The following ST3GAL3 variants were observed in gnomAD, a reference collection of about 807,000 sequenced individuals.
The protein encoded by ST3GAL3 is ST3 beta-galactoside alpha-2,3-sialyltransferase 3.
A neutral mutation model predicts 50.1 loss-of-function variants in ST3GAL3; 21 were observed. That is an observed-to-expected ratio of 0.42 (90% CI 0.30 to 0.60). ST3GAL3 has a LOEUF of 0.60. Among genes scored for constraint, ST3GAL3 ranks in the 20% least tolerant of loss-of-function variants. The probability of loss-of-function intolerance (pLI) is 0.19; values close to 1 mark genes in which losing one functional copy is unlikely to be tolerated. For missense variants in ST3GAL3, 353 were observed against 489.4 expected (o/e 0.72, Z 2.63); for synonymous variants, 183 against 190.0 (o/e 0.96, Z 0.30).
At chr1:43,788,509 T>C (rs1028310685) in intron 2 of ST3GAL3, among the ~76,000 whole-genome samples, 5 of 152,172 alleles carry the variant, frequency 3.3e-5, no homozygotes, top group Admixed American at 6.5e-5. Flanking sequence ...TTTCCTAGGG[T>C]GAGGCCAGGT....
At chr1:43,846,710 G>A (rs1436142869) in intron 5 of ST3GAL3, among the ~76,000 whole-genome samples, 1 of 152,130 alleles carries the variant, frequency 6.6e-6, no homozygotes, top group Non-Finnish European at 1.5e-5. Context: ...TGTTGCCTAG[G>A]CTGGTCTCAA....
chr1:43,723,678 C>G (rs143572073), intron 1 of ST3GAL3, among the ~76,000 whole-genome samples: 1,758 of 152,160 alleles, frequency 0.012, 16 homozygotes, highest in Non-Finnish European at 0.018. Flanking sequence ...GTGGCATGAT[C>G]TCAGCTCACT....
chr1:43,898,186 T>G (rs1406680614), intron 6 of ST3GAL3, 49 bp from the exon 7 acceptor site: 1 of 1,594,410 alleles, frequency 6.3e-7, no homozygotes, highest in East Asian at 2.2e-5. Context: ...AAACATTTTA[T>G]AGAAAGGTAA....
intron 11 of ST3GAL3, among the ~76,000 whole-genome samples, chr1:43,925,817 G>T (rs1041556681): frequency 2.0e-5 from 3 of 152,224 alleles, no homozygotes; most frequent in African/African-American, 7.2e-5. Context: ...GGCCAAAGGA[G>T]CAGCATTCCA....
chr1:43,776,864 A>T (rs1242702619), intron 2 of ST3GAL3, among the ~76,000 whole-genome samples: 1 of 152,190 alleles, frequency 6.6e-6, no homozygotes, highest in South Asian at 2.1e-4. Context: ...AAAATTTCTC[A>T]TGAGAAAGTA....
rs2077816557 is a variant in ST3GAL3 at position 43,899,008 on chromosome 1, T to C, written c.462-160T>C. The C allele has an allele frequency of 1.1e-6, 1 of 919,644 alleles. No individual in the cohort carries two copies. The highest frequency in any genetic ancestry group is 1.5e-5 in the South Asian group (1 of 64,738). 57.0% of individuals were successfully genotyped at this position (919,644 alleles called of 1,614,324 possible). On this transcript the variant is annotated intron_variant, in intron 7 of 11. Coordinates refer to ENST00000347631, the MANE Select transcript of ST3GAL3 (RefSeq NM_006279.5). This position sits in a 1 kb window ranked among gnomAD's most constrained non-coding sequence, Gnocchi z 5.4. ...CAGGGCCCAGCTACCCATTGTATGG[T>C]TCAGGCCTTCTCTCAGAAATGCTGC... is the stretch of plus-strand genomic sequence containing the variant.
At chr1:43,828,641 A>G (rs2063133307) in intron 4 of ST3GAL3, among the ~76,000 whole-genome samples, 1 of 152,242 alleles carries the variant, frequency 6.6e-6, no homozygotes, top group Non-Finnish European at 1.5e-5. Context: ...GATGGAAATA[A>G]GCATATGAAA....
chr1:43,905,635 ACTGTTTCTC>A (rs1557449639), intron 9 of ST3GAL3, among the ~76,000 whole-genome samples: 2 of 6,298 alleles, frequency 3.2e-4, no homozygotes, highest in African/African-American at 9.0e-4. Context: ...TCTTCCCGCC[ACTGTTTCTC>A]CCCCTCCTCC....
chr1:43,927,117 G>C (rs1196767224), intron 11 of ST3GAL3, among the ~76,000 whole-genome samples: 1 of 152,180 alleles, frequency 6.6e-6, no homozygotes, highest in Non-Finnish European at 1.5e-5. Flanking sequence ...ATCACCTGAG[G>C]TCGGGAGTTC....
At chr1:43,820,127 A>G (rs1225345651) in intron 4 of ST3GAL3, among the ~76,000 whole-genome samples, 1 of 152,224 alleles carries the variant, frequency 6.6e-6, no homozygotes, top group Non-Finnish European at 1.5e-5. Context: ...CCAATGGAAC[A>G]TAATAGAGAA....
At chr1:43,730,771 A>G (rs142253564) in intron 1 of ST3GAL3, among the ~76,000 whole-genome samples, 15 of 151,438 alleles carry the variant, frequency 9.9e-5, no homozygotes, top group East Asian at 2.0e-4. Flanking sequence ...GGATCTTACT[A>G]TGTTGCACAG....
At chr1:43,776,088 G>A (rs1697127571) in intron 2 of ST3GAL3, among the ~76,000 whole-genome samples, 1 of 152,094 alleles carries the variant, frequency 6.6e-6, no homozygotes, top group African/African-American at 2.4e-5. Flanking sequence ...AAAATTCAGT[G>A]GTTTTTAGTA....
chr1:43,815,065 G>A (rs2061064196), intron 4 of ST3GAL3, 132 bp downstream of exon 4: 3 of 925,646 alleles, frequency 3.2e-6, no homozygotes, highest in East Asian at 4.8e-5. Flanking sequence ...TCCTCAGGCT[G>A]TCAGCAGAAT....
At chr1:43,842,158 C>T (rs2065487589) in intron 5 of ST3GAL3, 1 of 152,230 alleles carries the variant, frequency 6.6e-6, no homozygotes, top group African/African-American at 2.4e-5. Flanking sequence ...TCCCTATCAA[C>T]ATTTTGGTTA....
chr1:43,768,650 G>T (rs996691071), intron 2 of ST3GAL3, among the ~76,000 whole-genome samples: 6 of 152,114 alleles, frequency 3.9e-5, no homozygotes, highest in Admixed American at 3.3e-4. Flanking sequence ...TGAGAATTTT[G>T]TGAAAATAGA....
At chr1:43,898,147 G>T in intron 6 of ST3GAL3, 88 bp from the exon 7 acceptor site, 2 of 1,404,544 alleles carry the variant, frequency 1.4e-6, no homozygotes, top group Non-Finnish European at 2.0e-6. Flanking sequence ...AGCCCCTAGG[G>T]ACTTGTGTCT....
At chr1:43,830,930 GAATAGTA>G (rs576680081) in intron 4 of ST3GAL3, among the ~76,000 whole-genome samples, 66 of 152,312 alleles carry the variant, frequency 4.3e-4, no homozygotes, top group African/African-American at 1.5e-3. Flanking sequence ...AATCTAGAAG[GAATAGTA>G]AAAGCAGAAG....
chr1:43,829,999 T>C (rs1052783885), intron 4 of ST3GAL3, among the ~76,000 whole-genome samples: 4 of 61,150 alleles, frequency 6.5e-5, no homozygotes, highest in African/African-American at 5.4e-4. Flanking sequence ...AAATTCCTTT[T>C]TTTTTTTTTT....
chr1:43,749,058 G>A (rs2154107593), intron 2 of ST3GAL3, among the ~76,000 whole-genome samples: 1 of 152,314 alleles, frequency 6.6e-6, no homozygotes, highest in Admixed American at 6.5e-5. Context: ...CCATGCATAT[G>A]TAGTCAATTG....
Sources: gnomAD v4.1 joint callset for allele counts (sites outside exome capture counted in the v4.1 genomes callset) on GRCh38, gnomAD v4.1.1 for gene constraint, Gnocchi (gnomAD v3.1) non-coding constraint, MANE v1.5 for transcripts, NCBI Gene and HGNC (gene_info 2026-07-23, HGNC 2026-07-21) for gene names.